The following ZC3H12B variants were observed in gnomAD, a reference collection of about 807,000 sequenced individuals.
The protein encoded by ZC3H12B is zinc finger CCCH-type containing 12B, also known as probable ribonuclease ZC3H12B.
A neutral mutation model predicts 43.9 loss-of-function variants in ZC3H12B; 7 were observed. That is an observed-to-expected ratio of 0.16 (90% CI 0.09 to 0.30). The LOEUF (loss-of-function observed/expected upper bound fraction) is 0.30, where lower values mean the gene tolerates loss of function less well. ZC3H12B is among the 10% of genes least tolerant of loss of function. The pLI, the probability that ZC3H12B is intolerant of heterozygous loss-of-function variation, is 1.00. For missense variants in ZC3H12B, 475 were observed against 670.2 expected, an observed-to-expected ratio of 0.71 and a Z score of 3.22; for synonymous variants, 222 against 241.7, an observed-to-expected ratio of 0.92 and a Z score of 0.76.
intron 2 of ZC3H12B, among the ~76,000 whole-genome samples, chrX:65,369,412 C>T (rs1375899481): frequency 2.7e-5 from 3 of 111,835 alleles, no homozygotes; most frequent in Non-Finnish European, 5.6e-5. Flanking sequence ...TGCCTAAGAT[C>T]ATATAGATAT....
At chrX:65,106,959 C>G in the ZC3H12B span, among the ~76,000 whole-genome samples, 1 of 111,336 alleles carries the variant, frequency 9.0e-6, no homozygotes, top group Non-Finnish European at 1.9e-5. Context: ...CAAACTCAAT[C>G]TGGTTCCAGA....
the ZC3H12B span, among the ~76,000 whole-genome samples, chrX:65,123,341 A>G: frequency 1.8e-5 from 2 of 111,540 alleles, no homozygotes; most frequent in Non-Finnish European, 3.8e-5. Flanking sequence ...TGTTTTATTG[A>G]GGATTTTTAC....
At chrX:65,082,150 A>G in the ZC3H12B span, among the ~76,000 whole-genome samples, 9 of 111,786 alleles carry the variant, frequency 8.1e-5, no homozygotes, top group South Asian at 3.3e-3. Flanking sequence ...TATATCTATA[A>G]GTGTCTACAT....
At chrX:65,330,133 C>T in the ZC3H12B span, among the ~76,000 whole-genome samples, 43 of 110,067 alleles carry the variant, frequency 3.9e-4, no homozygotes, top group African/African-American at 1.2e-3. Flanking sequence ...TATAAATTAC[C>T]TTGGGCAGTA....
At chrX:65,202,149 A>AT in the ZC3H12B span, among the ~76,000 whole-genome samples, 254 of 70,229 alleles carry the variant, frequency 3.6e-3, 2 homozygotes, top group African/African-American at 0.061. Flanking sequence ...TATAATATGA[A>AT]ATATATATTA....
the ZC3H12B span, among the ~76,000 whole-genome samples, chrX:65,107,725 G>A: frequency 1.8e-5 from 2 of 110,763 alleles, no homozygotes; most frequent in Non-Finnish European, 3.8e-5. Context: ...TTCCCCCTAC[G>A]GCTCGGCACT....
chrX:65,074,141 C>G, the ZC3H12B span, among the ~76,000 whole-genome samples: 3 of 111,846 alleles, frequency 2.7e-5, no homozygotes, highest in Non-Finnish European at 5.6e-5. Flanking sequence ...TCAAAGGACT[C>G]ACTTTAGCAT....
At chrX:65,058,478 C>G in the ZC3H12B span, among the ~76,000 whole-genome samples, 11 of 112,277 alleles carry the variant, frequency 9.8e-5, no homozygotes, top group African/African-American at 3.6e-4. Context: ...AGGTGTCAGT[C>G]TGCCTGTACT....
chrX:65,073,734 G>T, the ZC3H12B span, among the ~76,000 whole-genome samples: 1 of 111,932 alleles, frequency 8.9e-6, no homozygotes, highest in East Asian at 2.8e-4. Context: ...TGGTGGGAGA[G>T]GGGTCTCATC....
chrX:65,368,325 T>A (rs1008595102), intron 1 of ZC3H12B, among the ~76,000 whole-genome samples: 1 of 111,567 alleles, frequency 9.0e-6, no homozygotes, highest in African/African-American at 3.3e-5. Flanking sequence ...ATTGTGGTCT[T>A]TTAAGATTTA....
the ZC3H12B span, among the ~76,000 whole-genome samples, chrX:65,100,572 A>AC: frequency 1.0e-5 from 1 of 95,950 alleles, no homozygotes; most frequent in East Asian, 3.2e-4. Context: ...AAAGCAAAAA[A>AC]AAAAAAAAAA....
chrX:65,226,444 T>A, the ZC3H12B span, among the ~76,000 whole-genome samples: 105 of 111,601 alleles, frequency 9.4e-4, no homozygotes, highest in African/African-American at 3.3e-3. Flanking sequence ...CCGTCAAGGC[T>A]AGGAAGAAAC....
intron 2 of ZC3H12B, among the ~76,000 whole-genome samples, chrX:65,395,033 C>T (rs1435447154): frequency 9.0e-6 from 1 of 111,531 alleles, no homozygotes; most frequent in Non-Finnish European, 1.9e-5. Flanking sequence ...TATAGGAATG[C>T]TTGTGATTTT....
At chrX:65,308,907 G>A in the ZC3H12B span, among the ~76,000 whole-genome samples, 1 of 111,976 alleles carries the variant, frequency 8.9e-6, no homozygotes, top group African/African-American at 3.2e-5. Flanking sequence ...ATAACAAAAT[G>A]AAGGCAGAAA....
chrX:65,471,355 G>T (rs776028203), intron 3 of ZC3H12B, among the ~76,000 whole-genome samples: 1 of 107,066 alleles, frequency 9.3e-6, no homozygotes, highest in Non-Finnish European at 1.9e-5. Context: ...CTATTTGCAT[G>T]TAATATCTTA....
At chrX:65,315,373 T>C in the ZC3H12B span, among the ~76,000 whole-genome samples, 1 of 111,281 alleles carries the variant, frequency 9.0e-6, no homozygotes, top group Non-Finnish European at 1.9e-5. Flanking sequence ...CAGTTTTAGG[T>C]TTGTTGCATT....
At chrX:65,406,556 TCGGGGCTGAACGGGGCTGGG>T (rs1241296165) in intron 3 of ZC3H12B, among the ~76,000 whole-genome samples, 7 of 65,756 alleles carry the variant, frequency 1.1e-4, no homozygotes, top group Non-Finnish European at 1.7e-4. Context: ...CCCCGCCCGA[TCGGGGCTGAACGGGGCTGGG>T]CGGGGCTGGG....
intron 1 of ZC3H12B, among the ~76,000 whole-genome samples, chrX:65,367,450 T>A (rs989794909): frequency 8.9e-6 from 1 of 111,852 alleles, no homozygotes; most frequent in Non-Finnish European, 1.9e-5. Flanking sequence ...TAGAGAGTTA[T>A]GAGTATATTT....
chrX:65,309,717 T>C, the ZC3H12B span, among the ~76,000 whole-genome samples: 2,234 of 112,023 alleles, frequency 0.02, 65 homozygotes, highest in African/African-American at 0.069. Context: ...TGAATATCCC[T>C]GATGAATATT....
Sources: allele counts gnomAD v4.1 joint callset (sites outside exome capture counted in the v4.1 genomes callset), GRCh38; gene constraint gnomAD v4.1.1; transcripts MANE v1.5; gene names NCBI Gene and HGNC (gene_info 2026-07-23, HGNC 2026-07-21).